The following ZNF462 variants were observed in gnomAD, a reference collection of about 807,000 sequenced individuals.
The protein encoded by ZNF462 is zinc finger PBX1-interacting protein.
A neutral mutation model predicts 201.9 loss-of-function variants in ZNF462; 10 were observed. The observed-to-expected ratio is 0.05, with a 90% confidence interval of 0.03 to 0.08. ZNF462 has a LOEUF of 0.08. ZNF462 is among the 10% of genes least tolerant of loss of function. ZNF462 has a pLI of 1.00. For missense variants in ZNF462, 2,523 were observed against 3,168.3 expected (o/e 0.80, Z 4.89); for synonymous variants, 1,227 against 1,193.3 (o/e 1.03, Z -0.58).
intron 1 of ZNF462, among the ~76,000 whole-genome samples, chr9:106,918,050 T>A (rs1329838312): frequency 6.6e-6 from 1 of 151,840 alleles, no homozygotes; most frequent in East Asian, 1.9e-4. Context: ...TAATTTTTTT[T>A]ATTTTTAGTA....
chr9:107,003,556 C>T lies in ZNF462; in HGVS notation c.7189+130C>T, dbSNP rs1829347762. Reference sequence around the variant, plus strand: ...CTTCTTAGTTAAGTAGCAGAACAGACTGACTTAGAAAACACATCAAGAGCT... The same window carrying T: ...CTTCTTAGTTAAGTAGCAGAACAGATTGACTTAGAAAACACATCAAGAGCT... On this transcript the variant is annotated intron_variant, in intron 11 of 12. Coordinates refer to ENST00000277225, the MANE Select transcript of ZNF462 (RefSeq NM_021224.6). The surrounding 1 kb of genome is among the most constrained non-coding windows in gnomAD (Gnocchi z 4.4). The T allele has an allele frequency of 1.6e-6, 2 of 1,217,696 alleles. No homozygotes were observed. The highest frequency in any genetic ancestry group is 1.5e-5 in the African/African-American group (1 of 65,098). The allele number at this position is 1,217,696 out of a possible 1,614,324, so 75.4% of individuals were successfully genotyped here.
At chr9:106,897,889 G>A (rs1828877609) in intron 1 of ZNF462, among the ~76,000 whole-genome samples, 1 of 152,158 alleles carries the variant, frequency 6.6e-6, no homozygotes, top group Non-Finnish European at 1.5e-5. Context: ...ATGGCCATAT[G>A]GGACTGAGGC....
intron 7 of ZNF462, among the ~76,000 whole-genome samples, chr9:106,943,059 C>CGCGCGCGCGCGCGCGT (rs374167214): frequency 2.8e-5 from 4 of 143,154 alleles, no homozygotes; most frequent in African/African-American, 1.1e-4. Context: ...TTTGCGCGCG[C>CGCGCGCGCGCGCGCGT]GTGTGTGTGT....
At chr9:107,001,468 G>T (rs1439972059) in intron 10 of ZNF462, among the ~76,000 whole-genome samples, 1 of 152,152 alleles carries the variant, frequency 6.6e-6, no homozygotes, top group African/African-American at 2.4e-5. Flanking sequence ...AGATATCAAG[G>T]ACATATACTG....
At chr9:106,892,704 G>GC (rs1828638191) in intron 1 of ZNF462, among the ~76,000 whole-genome samples, 2 of 131,844 alleles carry the variant, frequency 1.5e-5, no homozygotes, top group Non-Finnish European at 3.2e-5. Flanking sequence ...ACACACACAC[G>GC]CACACACACA....
At chr9:106,944,416 A>G (rs920765019) in intron 7 of ZNF462, among the ~76,000 whole-genome samples, 25 of 152,200 alleles carry the variant, frequency 1.6e-4, no homozygotes, top group African/African-American at 5.3e-4. Context: ...AGAGATTGGC[A>G]AACTTTTTCC....
intron 7 of ZNF462, among the ~76,000 whole-genome samples, chr9:106,947,816 C>T (rs1182929122): frequency 6.6e-6 from 1 of 152,078 alleles, no homozygotes. Context: ...AAAACACATA[C>T]CCAAGAAATG....
chr9:106,927,463 A>C lies in ZNF462; in HGVS notation c.3551A>C (p.Asp1184Ala). 6.2e-7 allele frequency: 1 copy of C among 1,613,522 alleles called. No individual in the cohort carries two copies. Among genetic ancestry groups the C allele is most frequent in the Non-Finnish European group, 8.5e-7 (1 of 1,179,900 alleles). The change falls in exon 3 of 13, where the codon GAT (aspartate) becomes GCT (alanine). Residue 1184 changes from aspartate to alanine, a missense_variant. Coordinates refer to ENST00000277225, the MANE Select transcript of ZNF462 (RefSeq NM_021224.6). The stretch of plus-strand genomic sequence containing the variant: ...CTGAACCGAAGCAGCTCTGAGAGAG[A>C]TGGCCCTCCTGTGGAGAATGAGATG... ...QQLNRSSSERDGPPVENEMFF... is the reference protein window; with the variant it reads ...QQLNRSSSERAGPPVENEMFF...
chr9:106,927,204 T>TGCCCCCCCCCCCCCCC lies in ZNF462; in HGVS notation c.3292_3293insGCCCCCCCCCCCCCCC (p.Ser1098CysfsTer20). 8 of 1,570,448 alleles carry TGCCCCCCCCCCCCCCC rather than the reference T, an allele frequency of 5.1e-6. No homozygotes were observed. Among genetic ancestry groups the TGCCCCCCCCCCCCCCC allele is most frequent in the Non-Finnish European group, 7.0e-6 (8 of 1,149,838 alleles). On this transcript the variant is annotated frameshift_variant, in exon 3 of 13. Transcript: ENST00000277225. LOFTEE classifies it high-confidence loss of function. Reference sequence around the variant, plus strand: ...GTCTCCCAAAATGTCCAACATGGGTTCCCCACCCCCCCCACAACCCCCGCC... The same window carrying TGCCCCCCCCCCCCCCC: ...GTCTCCCAAAATGTCCAACATGGGTTGCCCCCCCCCCCCCCCCCCCACCCCCCCCACAACCCCCGCC...
chr9:107,010,754 TA>T lies in ZNF462; in HGVS notation c.7314-68del. Reference sequence around the variant, plus strand: ...AATAAAGACACTCGAGGGTTTTTATTATTTTTTTGTTTAAAAAGAGAAATAT... The same window carrying T: ...AATAAAGACACTCGAGGGTTTTTATTTTTTTTTGTTTAAAAAGAGAAATAT... On this transcript the variant is annotated intron_variant, in intron 12 of 12. Coordinates refer to ENST00000277225, the MANE Select transcript of ZNF462 (RefSeq NM_021224.6). This position sits in a 1 kb window ranked among gnomAD's most constrained non-coding sequence, Gnocchi z 4.6. 1 of 1,405,132 alleles carries T rather than the reference TA, an allele frequency of 7.1e-7. No individual in the cohort carries two copies. The highest frequency in any genetic ancestry group is 1.4e-5 in the South Asian group (1 of 68,998). 87.0% of individuals were successfully genotyped at this position (1,405,132 alleles called of 1,614,324 possible).
intron 1 of ZNF462, among the ~76,000 whole-genome samples, chr9:106,882,927 T>C (rs1161027416): frequency 1.3e-5 from 2 of 152,186 alleles, no homozygotes; most frequent in East Asian, 1.9e-4. Context: ...ATGTAGTGTT[T>C]CCTATCAATT....
Position 106,924,256 on chromosome 9 carries a change from G to A in ZNF462, c.344G>A (p.Arg115His), listed in dbSNP as rs1588061662. Residue 115 changes from arginine to histidine, a missense_variant, in exon 3 of 13, where the codon CGC (arginine) becomes CAC (histidine). Arg to His is a conservative substitution (Grantham distance 29). Around this residue, in one of 15 missense-constraint regions of ZNF462, gnomAD observed 480 missense variants for 544.4 expected, o/e 0.88. Coordinates refer to ENST00000277225, the MANE Select transcript of ZNF462 (RefSeq NM_021224.6). This position sits in a 1 kb window ranked among gnomAD's most constrained non-coding sequence, Gnocchi z 6.2. ...TTTTTTCAATGCAAGTTCTGTGTAC[G>A]CTACTTCAGGTCAAAAAACCTCCTC... is the stretch of plus-strand genomic sequence containing the variant. ...NKFFQCKFCV[R>H]YFRSKNLLIE... is the part of the protein sequence containing the mutation. The A allele has an allele frequency of 1.9e-6, 3 of 1,614,014 alleles. No individual in the cohort carries two copies. Among genetic ancestry groups the A allele is most frequent in the Non-Finnish European group, 1.7e-6 (2 of 1,180,008 alleles).
chr9:106,925,547 A>G lies in ZNF462; in HGVS notation c.1635A>G (p.Pro545=), dbSNP rs1830157712. 1 of 1,612,548 alleles carries G rather than the reference A, an allele frequency of 6.2e-7. No homozygotes were observed. Among genetic ancestry groups the G allele is most frequent in the South Asian group, 1.1e-5 (1 of 90,978 alleles). Residue 545 remains proline, a synonymous_variant, in exon 3 of 13, where the codon CCA becomes CCG. Transcript: ENST00000277225. The surrounding 1 kb of genome is among the most constrained non-coding windows in gnomAD (Gnocchi z 7.9). The part of the protein sequence containing the change: ...DPLQQQQPPQ[P]PPPPPPPPPS... ...TGCAGCAGCAACAGCCACCGCAGCC[A>G]CCACCACCGCCGCCGCCACCACCAC...
chr9:106,968,537 G>GGGTTGGTT lies in ZNF462; in HGVS notation c.6428-3445_6428-3438dup, dbSNP rs368434088. 1.2e-4 allele frequency among the ~76,000 whole-genome samples: 18 copies of GGGTTGGTT among 151,980 alleles called. No individual in the cohort carries two copies. Among genetic ancestry groups the GGGTTGGTT allele is most frequent in the African/African-American group, 4.4e-4 (18 of 41,316 alleles). On this transcript the variant is annotated intron_variant, in intron 7 of 12. Transcript: ENST00000277225. This position sits in a 1 kb window ranked among gnomAD's most constrained non-coding sequence, Gnocchi z 4.0. ...CTCTTTTCTCAGACTGTATGTGTCAGGGTTGGTTGGTTGGTTGGTTGGTTG... is the reference window on the plus strand; with the variant it reads ...CTCTTTTCTCAGACTGTATGTGTCAGGGTTGGTTGGTTGGTTGGTTGGTTGGTTGGTTG...
Position 106,913,574 on chromosome 9 carries a change from T to G in ZNF462, c.-30-9780T>G, listed in dbSNP as rs1269315032. 6.6e-6 allele frequency among the ~76,000 whole-genome samples: 1 copy of G among 152,030 alleles called. No individual in the cohort carries two copies. Among genetic ancestry groups the G allele is most frequent in the Non-Finnish European group, 1.5e-5 (1 of 68,024 alleles). ...CATATGCATTGTTTTTCACAGAAAT[T>G]TTAGTCAGAGGTCACATGCTAAAGA... On this transcript the variant is annotated intron_variant, in intron 1 of 12. Transcript: ENST00000277225. The surrounding 1 kb of genome is among the most constrained non-coding windows in gnomAD (Gnocchi z 4.1).
In ZNF462 at chr9:107,010,165, C is replaced by T. The variant is rs1829842374; in HGVS notation, c.7313+497C>T. Among the ~76,000 whole-genome samples the T allele has an allele frequency of 6.6e-6, 1 of 152,056 alleles. No homozygotes were observed. Among genetic ancestry groups the T allele is most frequent in the Non-Finnish European group, 1.5e-5 (1 of 68,024 alleles). ...ATGAGATCCCTGAACATAAAATCAG[C>T]CCCTCAACAAGGCACGTTAGTCCAC... On this transcript the variant is annotated intron_variant, in intron 12 of 12. Coordinates refer to ENST00000277225, the MANE Select transcript of ZNF462 (RefSeq NM_021224.6). The surrounding 1 kb of genome is among the most constrained non-coding windows in gnomAD (Gnocchi z 4.6).
rs1336562997 is a variant in ZNF462, at chr9:106,895,216, G to C, written c.-30-28138G>C. ...TCCATTTATTACCAAAGAGTAGACT[G>C]TTCTTGACATATGTTAGAAAAAATT... On this transcript the variant is annotated intron_variant, in intron 1 of 12. Coordinates refer to ENST00000277225, the MANE Select transcript of ZNF462 (RefSeq NM_021224.6). The surrounding 1 kb of genome is among the most constrained non-coding windows in gnomAD (Gnocchi z 4.4). 6.6e-6 allele frequency among the ~76,000 whole-genome samples: 1 copy of C among 152,150 alleles called. No homozygotes were observed. Among genetic ancestry groups the C allele is most frequent in the East Asian group, 1.9e-4 (1 of 5,194 alleles).
intron 8 of ZNF462, among the ~76,000 whole-genome samples, chr9:106,973,227 T>C (rs754282788): frequency 4.7e-4 from 71 of 152,228 alleles, no homozygotes; most frequent in Non-Finnish European, 9.1e-4. Flanking sequence ...TCTGTTCCTA[T>C]TGTAATCAGG....
intron 9 of ZNF462, chr9:106,979,523 T>C (rs969793621): frequency 6.6e-6 from 1 of 151,564 alleles, no homozygotes; most frequent in African/African-American, 2.5e-5. Flanking sequence ...CAAGGCCGTC[T>C]TCTTCCCCTT....
Sources: allele counts gnomAD v4.1 joint callset (sites outside exome capture counted in the v4.1 genomes callset), GRCh38; gene constraint gnomAD v4.1.1; regional missense constraint gnomAD v4.1.1; non-coding constraint Gnocchi (gnomAD v3.1); transcripts MANE v1.5; gene names NCBI Gene and HGNC (gene_info 2026-07-23, HGNC 2026-07-21).